Variants in FRRS1 observed in about 807,000 individuals in gnomAD.
The protein encoded by FRRS1 is ferric chelate reductase 1, also known as ferric reductase 1.
A neutral mutation model predicts 70.7 loss-of-function variants in FRRS1; 51 were observed. The ratio of observed to expected loss-of-function variants is 0.72; its 90% confidence interval spans 0.58 to 0.91. FRRS1 has a LOEUF of 0.91. FRRS1 is among the 40% of genes least tolerant of loss of function. The pLI, the probability that FRRS1 is intolerant of heterozygous loss-of-function variation, is 0.00. For synonymous variants in FRRS1, 225 were observed against 238.7 expected, an observed-to-expected ratio of 0.94 and a Z score of 0.53; for missense variants, 672 against 726.0, an observed-to-expected ratio of 0.93 and a Z score of 0.86.
At position 99,740,616 on chromosome 1, in the gene FRRS1, T is replaced by C. The variant is rs377184593; in HGVS notation, c.576+177A>G. 1.2e-4 allele frequency among the ~76,000 whole-genome samples: 18 copies of C among 152,338 alleles called. No homozygotes were observed. The East Asian group carries it at 1.9e-3, about 16-fold the overall frequency. On this transcript the variant is annotated intron_variant, in intron 6 of 16. Coordinates refer to ENST00000646001, the MANE Select transcript of FRRS1 (RefSeq NM_001361041.2). ...TATATTTGGCCACATATTATTTAGATTACATTTAATGAAGCTATAAAAATG... is the reference window on the plus strand; with the variant it reads ...TATATTTGGCCACATATTATTTAGACTACATTTAATGAAGCTATAAAAATG...
chr1:99,728,472 A>T, intron 9 of FRRS1, 21 bp downstream of exon 9: 1 of 1,544,558 alleles, frequency 6.5e-7, no homozygotes, highest in Non-Finnish European at 8.8e-7. Context: ...ACTTGAAAAG[A>T]CAGCTTAACA....
At chr1:99,742,355 T>C in intron 4 of FRRS1, 82 bp from the exon 5 acceptor site, 1 of 833,940 alleles carries the variant, frequency 1.2e-6, no homozygotes, top group Non-Finnish European at 2.1e-6. Context: ...TGCGAAGTAA[T>C]TTATCATTGC....
chr1:99,720,834 A>AACACACACACACACACACAC (rs57397996), intron 9 of FRRS1, among the ~76,000 whole-genome samples: 2 of 137,238 alleles, frequency 1.5e-5, no homozygotes, highest in Non-Finnish European at 3.2e-5. Context: ...AGCATTTCCT[A>AACACACACACACACACACAC]ACACACACAC....
chr1:99,764,548 A>C (rs1657265516), intron 1 of FRRS1, among the ~76,000 whole-genome samples: 1 of 152,210 alleles, frequency 6.6e-6, no homozygotes, highest in Non-Finnish European at 1.5e-5. Context: ...TTGATAAAGA[A>C]GACCTTCACC....
intron 7 of FRRS1, among the ~76,000 whole-genome samples, chr1:99,733,872 T>A (rs1655520607): frequency 6.6e-6 from 1 of 152,164 alleles, no homozygotes; most frequent in Non-Finnish European, 1.5e-5. Flanking sequence ...ACATATTACT[T>A]ATTACAAAAA....
At chr1:99,762,896 T>G (rs1657177191) in intron 1 of FRRS1, among the ~76,000 whole-genome samples, 1 of 152,126 alleles carries the variant, frequency 6.6e-6, no homozygotes, top group African/African-American at 2.4e-5. Flanking sequence ...TCTATTACAT[T>G]TGTCTAGTGT....
In FRRS1 at chr1:99,748,783, T is replaced by G. The variant is rs376833120; in HGVS notation, c.1-15A>C. On this transcript the variant is annotated splice_polypyrimidine_tract_variant and intron_variant, in intron 2 of 16. Coordinates refer to ENST00000646001, the MANE Select transcript of FRRS1 (RefSeq NM_001361041.2). ...GAAACTGCCATCTCAAAAAGAAGGG[T>G]AAAAGCCCATTATTGTCATATATAA... 5.6e-6 allele frequency: 9 copies of G among 1,599,142 alleles called. No homozygotes were observed. Among genetic ancestry groups the G allele is most frequent in the Non-Finnish European group, 6.8e-6 (8 of 1,168,558 alleles).
Position 99,712,226 on chromosome 1 carries a change from G to A in FRRS1, c.1422-63C>T, listed in dbSNP as rs1033258301. On this transcript the variant is annotated intron_variant, in intron 13 of 16. Coordinates refer to ENST00000646001, the MANE Select transcript of FRRS1 (RefSeq NM_001361041.2). ...ATGGAACTATAATTAATTCCCACTAGAATAAAAAGCATGTAATTTCCTTAT... is the reference window on the plus strand; with the variant it reads ...ATGGAACTATAATTAATTCCCACTAAAATAAAAAGCATGTAATTTCCTTAT... 13 of 1,157,004 alleles carry A rather than the reference G, an allele frequency of 1.1e-5. No individual in the cohort carries two copies. The Admixed American group carries it at 1.1e-4, about 10-fold the overall frequency. 71.7% of individuals were successfully genotyped at this position (1,157,004 alleles called of 1,614,324 possible). A position where few individuals can be genotyped will look rare whatever the true frequency, so the allele number is the denominator to read the frequency against.
Position 99,755,080 on chromosome 1 carries a change from T to A in FRRS1, c.-105-6079A>T, listed in dbSNP as rs142996550. Reference sequence around the variant, plus strand: ...TAAGATTTCTCCATGGAGAAAATAATAATAATAATAATATGGTTGATTATT... The same window carrying A: ...TAAGATTTCTCCATGGAGAAAATAAAAATAATAATAATATGGTTGATTATT... On this transcript the variant is annotated intron_variant, in intron 1 of 16. Coordinates refer to ENST00000646001, the MANE Select transcript of FRRS1 (RefSeq NM_001361041.2). 5.8e-3 allele frequency among the ~76,000 whole-genome samples: 881 copies of A among 151,878 alleles called. 9 individuals carry two copies. In the Middle Eastern group the frequency reaches 0.093, roughly 16 times the overall value.
chr1:99,739,081 G>A (rs959244273), intron 6 of FRRS1, among the ~76,000 whole-genome samples: 5 of 152,132 alleles, frequency 3.3e-5, no homozygotes, highest in African/African-American at 9.7e-5. Context: ...CAAGCCACTG[G>A]GGAATTAAGA....
intron 8 of FRRS1, 111 bp from the exon 9 acceptor site, chr1:99,728,751 A>C: frequency 1.4e-6 from 1 of 737,252 alleles, no homozygotes; most frequent in Non-Finnish European, 2.1e-6. Flanking sequence ...TCGTATGTCC[A>C]TGCTTTGTCT....
chr1:99,740,709 A>T (rs1655911813), intron 6 of FRRS1, 84 bp downstream of exon 6: 3 of 899,918 alleles, frequency 3.3e-6, no homozygotes, highest in Non-Finnish European at 5.5e-6. Context: ...AGGCAGGAGG[A>T]TCACTTGAGC....
intron 7 of FRRS1, among the ~76,000 whole-genome samples, chr1:99,736,461 G>A (rs779990097): frequency 6.6e-6 from 1 of 151,960 alleles, no homozygotes; most frequent in East Asian, 1.9e-4. Context: ...GAAATATGTA[G>A]GTCATATATA....
intron 4 of FRRS1, among the ~76,000 whole-genome samples, chr1:99,742,601 A>G (rs1235907581): frequency 6.6e-6 from 1 of 152,226 alleles, no homozygotes. Flanking sequence ...TAATAGATAC[A>G]AATAGAATGC....
chr1:99,704,299 A>C lies in FRRS1; in HGVS notation c.*4729T>G, dbSNP rs771726013. 1.3e-5 allele frequency among the ~76,000 whole-genome samples: 2 copies of C among 152,192 alleles called. No individual in the cohort carries two copies. The highest frequency in any genetic ancestry group is 4.8e-5 in the African/African-American group (2 of 41,454). Reference sequence around the variant, plus strand: ...TAATTTCCAGTCCTTTTTAATTTACAGGATCAGCTGCCTCCCATCCCATTT... The same window carrying C: ...TAATTTCCAGTCCTTTTTAATTTACCGGATCAGCTGCCTCCCATCCCATTT... On this transcript the variant is annotated 3_prime_UTR_variant, in exon 17 of 17. Transcript: ENST00000646001.
At chr1:99,741,366 T>C (rs988220624) in intron 5 of FRRS1, among the ~76,000 whole-genome samples, 3 of 152,264 alleles carry the variant, frequency 2.0e-5, no homozygotes, top group African/African-American at 7.2e-5. Context: ...CAGCTTTCAC[T>C]GGGGTCACAC....
chr1:99,730,663 C>A (rs546464557), intron 7 of FRRS1, among the ~76,000 whole-genome samples: 1 of 151,986 alleles, frequency 6.6e-6, no homozygotes, highest in Admixed American at 6.6e-5. Context: ...GTCAGGAGAT[C>A]CAGACCATCC....
intron 14 of FRRS1, 61 bp downstream of exon 14, chr1:99,712,044 A>G: frequency 1.7e-6 from 2 of 1,177,526 alleles, no homozygotes; most frequent in South Asian, 1.3e-5. Context: ...AAGCCAAATT[A>G]CAACTTGTAA....
At chr1:99,728,700 A>T in intron 8 of FRRS1, 60 bp from the exon 9 acceptor site, 1 of 1,478,428 alleles carries the variant, frequency 6.8e-7, no homozygotes, top group Non-Finnish European at 9.4e-7. Flanking sequence ...AAAATAAGAT[A>T]TGATCAAAAT....
Sources: gnomAD v4.1 joint callset for allele counts (sites outside exome capture counted in the v4.1 genomes callset) on GRCh38, gnomAD v4.1.1 for gene constraint, MANE v1.5 for transcripts, NCBI Gene and HGNC (gene_info 2026-07-23, HGNC 2026-07-21) for gene names.